PCDH15: variants seen among roughly 807,000 people sequenced by gnomAD.
The protein encoded by PCDH15 is protocadherin related 15, also known as protocadherin-15.
A neutral mutation model predicts 178.5 loss-of-function variants in PCDH15; 129 were observed. The observed-to-expected ratio is 0.72, with a 90% CI of 0.63 to 0.84. The LOEUF is 0.84. PCDH15 is among the 40% of genes least tolerant of loss of function. The pLI, the probability that PCDH15 is intolerant of heterozygous loss-of-function variation, is 0.00. For missense variants in PCDH15, 2,230 were observed against 2,099.9 expected (o/e 1.06, Z -1.21); for synonymous variants, 800 against 732.0 (o/e 1.09, Z -1.50).
At chr10:55,508,210 C>T (rs1840803234) in intron 2 of PCDH15, among the ~76,000 whole-genome samples, 1 of 151,702 alleles carries the variant, frequency 6.6e-6, no homozygotes, top group Non-Finnish European at 1.5e-5. Flanking sequence ...AACAGAAATG[C>T]ATACATGCCT....
intron 2 of PCDH15, among the ~76,000 whole-genome samples, chr10:54,912,822 G>T (rs951863866): frequency 1.7e-4 from 26 of 152,140 alleles, no homozygotes; most frequent in Admixed American, 3.9e-4. Flanking sequence ...CCAAAATGCT[G>T]AATGGAATAT....
At chr10:55,281,932 ACTT>A (rs1842744064) in intron 1 of PCDH15, among the ~76,000 whole-genome samples, 1 of 152,268 alleles carries the variant, frequency 6.6e-6, no homozygotes, top group African/African-American at 2.4e-5. Flanking sequence ...AAAAGTCTAC[ACTT>A]CTTCTCAGAA....
intron 1 of PCDH15, among the ~76,000 whole-genome samples, chr10:54,747,243 A>G (rs4570495): frequency 0.21 from 32,061 of 152,120 alleles, 3,903 homozygotes; most frequent in East Asian, 0.48. Context: ...CAGAAATCCA[A>G]GTTCCCAGAC....
chr10:54,025,804 C>G (rs966981388), intron 18 of PCDH15, among the ~76,000 whole-genome samples: 17 of 151,980 alleles, frequency 1.1e-4, no homozygotes, highest in Non-Finnish European at 4.4e-5. Context: ...GCCATTTCTT[C>G]CATTTTTAAA....
At chr10:54,391,857 C>G (rs1387676164) in intron 3 of PCDH15, among the ~76,000 whole-genome samples, 2 of 152,140 alleles carry the variant, frequency 1.3e-5, no homozygotes, top group African/African-American at 4.8e-5. Context: ...ATTACCTCCT[C>G]AAGGCATTGT....
At chr10:55,423,184 T>C (rs1257741499) in intron 2 of PCDH15, among the ~76,000 whole-genome samples, 1 of 151,988 alleles carries the variant, frequency 6.6e-6, no homozygotes, top group Admixed American at 6.6e-5. Context: ...AGTTTTGCTT[T>C]ATTTGTTATG....
At chr10:54,515,445 C>T (rs182233987) in intron 3 of PCDH15, among the ~76,000 whole-genome samples, 9 of 152,140 alleles carry the variant, frequency 5.9e-5, no homozygotes, top group South Asian at 2.1e-4. Context: ...TGGCCATTGC[C>T]GAGTTAGTTG....
chr10:54,584,294 T>A (rs1410967905), intron 2 of PCDH15, among the ~76,000 whole-genome samples: 1 of 152,062 alleles, frequency 6.6e-6, no homozygotes, highest in Admixed American at 6.6e-5. Context: ...CTTGAGAGAC[T>A]GAGGCAGAAG....
At chr10:54,049,217 A>AT (rs944007430) in intron 18 of PCDH15, among the ~76,000 whole-genome samples, 1 of 151,864 alleles carries the variant, frequency 6.6e-6, no homozygotes, top group African/African-American at 2.4e-5. Context: ...TTTTACCTTG[A>AT]TTTTTGTATC....
At chr10:54,705,703 C>T (rs1298567265) in intron 1 of PCDH15, among the ~76,000 whole-genome samples, 1 of 152,114 alleles carries the variant, frequency 6.6e-6, no homozygotes, top group East Asian at 1.9e-4. Flanking sequence ...TTATCATGAA[C>T]ATTTTAAGCT....
At position 54,956,128 on chromosome 10, in the gene PCDH15, A is replaced by G. The variant is rs145716082; in HGVS notation, c.-79-58628T>C. On this transcript the variant is annotated intron_variant, in intron 2 of 5. Coordinates refer to the PCDH15 transcript ENST00000458638. ...TGAGACCTGCTATTTTCATGAGCTC[A>G]GTGCCAGTATTGATTGACAGGCCAT... is the stretch of plus-strand genomic sequence containing the variant. Among the ~76,000 whole-genome samples the G allele has an allele frequency of 5.3e-5, 8 of 151,490 alleles. No homozygotes were observed. The East Asian group carries it at 1.5e-3, about 29-fold the overall frequency.
Position 54,138,300 on chromosome 10 carries a change from T to C in PCDH15, c.1785-5293A>G, listed in dbSNP as rs56990707. Among the ~76,000 whole-genome samples, 1,042 of 152,088 alleles carry C rather than the reference T, an allele frequency of 6.9e-3. 36 individuals are homozygous for C. In the East Asian group the frequency reaches 0.11, roughly 17 times the overall value. On this transcript the variant is annotated intron_variant, in intron 14 of 37. Coordinates refer to ENST00000644397, the MANE Select transcript of PCDH15 (RefSeq NM_001384140.1). Reference sequence around the variant, plus strand: ...TCTTTTGTGGGACTAGACAGTGGGATTGGCTCCTCTCAATTTGAGAAATTC... The same window carrying C: ...TCTTTTGTGGGACTAGACAGTGGGACTGGCTCCTCTCAATTTGAGAAATTC...
intron 2 of PCDH15, among the ~76,000 whole-genome samples, chr10:55,436,652 A>C (rs1265251675): frequency 2.6e-5 from 4 of 152,162 alleles, no homozygotes; most frequent in African/African-American, 9.6e-5. Flanking sequence ...CTATTGAGTT[A>C]TAAGTTTATA....
intron 28 of PCDH15, among the ~76,000 whole-genome samples, chr10:53,852,085 G>A (rs4617493): frequency 0.23 from 35,413 of 151,778 alleles, 5,562 homozygotes; most frequent in East Asian, 0.75. Context: ...CTCTTTTATA[G>A]ATGCTTAAGG....
intron 1 of PCDH15, among the ~76,000 whole-genome samples, chr10:55,210,692 G>A (rs1449023297): frequency 7.7e-6 from 1 of 130,466 alleles, no homozygotes; most frequent in African/African-American, 2.9e-5. Context: ...GTAGTGGCGC[G>A]ATCTCGGCTC....
intron 1 of PCDH15, among the ~76,000 whole-genome samples, chr10:55,198,752 G>A (rs1840163404): frequency 6.6e-6 from 1 of 151,884 alleles, no homozygotes; most frequent in Admixed American, 6.6e-5. Context: ...CAAAGTACTG[G>A]GATTACAGGC....
At chr10:54,405,934 T>C (rs552288774) in intron 3 of PCDH15, among the ~76,000 whole-genome samples, 69 of 152,146 alleles carry the variant, frequency 4.5e-4, no homozygotes, top group Non-Finnish European at 8.1e-4. Context: ...TGTACAAGAA[T>C]GTTCTTATTT....
chr10:54,822,155 T>C (rs968223329), intron 3 of PCDH15, among the ~76,000 whole-genome samples: 2 of 152,326 alleles, frequency 1.3e-5, no homozygotes, highest in African/African-American at 4.8e-5. Flanking sequence ...TATTTATTTG[T>C]GTTGGTAACA....
chr10:54,378,207 G>A (rs554542170), intron 4 of PCDH15, among the ~76,000 whole-genome samples: 94 of 152,116 alleles, frequency 6.2e-4, no homozygotes, highest in African/African-American at 2.2e-3. Context: ...TTACAGGTAT[G>A]AGCTACTGCT....
Sources: gnomAD v4.1 joint callset for allele counts (sites outside exome capture counted in the v4.1 genomes callset) on GRCh38, gnomAD v4.1.1 for gene constraint, MANE v1.5 for transcripts, NCBI Gene and HGNC (gene_info 2026-07-23, HGNC 2026-07-21) for gene names.